Variants in USP25 observed in about 807,000 individuals in gnomAD.
USP25 encodes the protein ubiquitin carboxyl-terminal hydrolase 25.
In USP25, 85 loss-of-function variants were observed where a neutral mutation model predicts 158.5. The observed-to-expected ratio is 0.54, with a 90% confidence interval of 0.45 to 0.64. The LOEUF is 0.64. Among genes scored for constraint, USP25 ranks in the 30% least tolerant of loss-of-function variants. USP25 has a pLI of 0.00. For missense variants in USP25, 1,242 were observed against 1,327.3 expected (o/e 0.94, Z 1.00); for synonymous variants, 464 against 460.4 (o/e 1.01, Z -0.10).
rs746750455 is a variant in USP25, at chr21:15,826,929, A to C, written c.1467-48A>C. On this transcript the variant is annotated intron_variant, in intron 13 of 25. Coordinates refer to ENST00000400183, the MANE Select transcript of USP25 (RefSeq NM_001283041.3). The surrounding 1 kb of genome is among the most constrained non-coding windows in gnomAD (Gnocchi z 4.8). ...TGGGTTTGGCACGATCTTTGTCAAG[A>C]GTTTCAGCTTGAAAGGTTAATAAGA... 1 of 1,588,036 alleles carries C rather than the reference A, an allele frequency of 6.3e-7. No individual in the cohort carries two copies. The highest frequency in any genetic ancestry group is 2.2e-5 in the East Asian group (1 of 44,674).
intron 23 of USP25, among the ~76,000 whole-genome samples, chr21:15,873,459 A>G (rs902194846): frequency 1.4e-4 from 22 of 151,908 alleles, no homozygotes; most frequent in African/African-American, 5.3e-4. Flanking sequence ...TGAATTTCAT[A>G]ATATCTAGAC....
rs1404230754 is a variant in USP25 at position 15,833,461 on chromosome 21, T to A, written c.2107T>A (p.Trp703Arg). ...NQRFEKELEE[W>R]DAQLAQKALQ... The stretch of plus-strand genomic sequence containing the variant: ...ACGATTTGAAAAAGAACTAGAAGAA[T>A]GGGATGCACAACTTGCCCAGAAAGC... Residue 703 changes from tryptophan (W) to arginine (R), a missense_variant, in exon 17 of 26, where the codon TGG becomes AGG. Trp to Arg is a moderately radical substitution (Grantham distance 101). Transcript: ENST00000400183. 6.2e-7 allele frequency: 1 copy of A among 1,613,920 alleles called. No homozygotes were observed. Among genetic ancestry groups the A allele is most frequent in the Non-Finnish European group, 8.5e-7 (1 of 1,179,976 alleles).
In USP25 at chr21:15,783,499, A is replaced by G. The variant is rs539946969; in HGVS notation, c.392+5472A>G. ...CTGTAAGACAAAAACATTACGTCAC[A>G]TATATGGGAATTCCCATTAGACTGT... On this transcript the variant is annotated intron_variant, in intron 4 of 25. Coordinates refer to ENST00000400183, the MANE Select transcript of USP25 (RefSeq NM_001283041.3). Among the ~76,000 whole-genome samples, 7 of 152,358 alleles carry G rather than the reference A, an allele frequency of 4.6e-5. No individual in the cohort carries two copies. The East Asian group carries it at 1.3e-3, about 29-fold the overall frequency.
intron 1 of USP25, among the ~76,000 whole-genome samples, chr21:15,733,078 A>C (rs113881013): frequency 2.2e-5 from 3 of 136,434 alleles, no homozygotes; most frequent in Non-Finnish European, 4.6e-5. Flanking sequence ...GGAGCCTTAG[A>C]TCTCAGAAAT....
chr21:15,775,755 GC>G (rs2034617505), intron 3 of USP25, among the ~76,000 whole-genome samples: 1 of 20,072 alleles, frequency 5.0e-5, no homozygotes, highest in South Asian at 1.0e-3. Context: ...CCCCCCCCCC[GC>G]CCCCGCTGCA....
chr21:15,753,650 A>G (rs1222546349), intron 1 of USP25, among the ~76,000 whole-genome samples: 3 of 151,992 alleles, frequency 2.0e-5, no homozygotes, highest in Non-Finnish European at 4.4e-5. Context: ...GAATTAGAAA[A>G]TGTGCTTATT....
At position 15,827,191 on chromosome 21, in the gene USP25, A is replaced by G; in HGVS notation, c.1681A>G (p.Asn561Asp). Residue 561 changes from asparagine (N) to aspartate (D), a missense_variant, in exon 14 of 26, where the codon AAT becomes GAT. Coordinates refer to ENST00000400183, the MANE Select transcript of USP25 (RefSeq NM_001283041.3). ...ACATCGCTGGAGGACAGAAATAGAA[A>G]ATGACACCAGAGGTAAGAAGTGTCT... ...CLHRWRTEIE[N>D]DTRDLQESIS... 1.2e-6 allele frequency: 2 copies of G among 1,613,980 alleles called. No homozygotes were observed. Among genetic ancestry groups the G allele is most frequent in the Non-Finnish European group, 8.5e-7 (1 of 1,179,858 alleles).
intron 18 of USP25, among the ~76,000 whole-genome samples, chr21:15,846,000 A>T (rs1041327316): frequency 3.3e-5 from 5 of 151,226 alleles, no homozygotes; most frequent in Admixed American, 2.0e-4. Context: ...GTGTTGGCTT[A>T]GCTGCATATT....
intron 20 of USP25, among the ~76,000 whole-genome samples, chr21:15,862,867 A>G (rs960184007): frequency 2.0e-5 from 3 of 151,842 alleles, no homozygotes; most frequent in Non-Finnish European, 2.9e-5. Context: ...TTTAATGAGT[A>G]TGATATTACA....
At position 15,864,328 on chromosome 21, in the gene USP25, A is replaced by G; in HGVS notation, c.2608A>G (p.Thr870Ala). Reference sequence around the variant, plus strand: ...GGCCCAAGAAGACACCCCACCAGAAACCGATTATCGTTTACATCATGTAGT... The same window carrying G: ...GGCCCAAGAAGACACCCCACCAGAAGCCGATTATCGTTTACATCATGTAGT... ...KLAQEDTPPETDYRLHHVVVY... is the reference protein window; with the variant it reads ...KLAQEDTPPEADYRLHHVVVY... Residue 870 changes from threonine (T) to alanine (A), a missense_variant, in exon 21 of 26, where the codon ACC becomes GCC. Transcript: ENST00000400183. 1 of 1,612,974 alleles carries G rather than the reference A, an allele frequency of 6.2e-7. No individual in the cohort carries two copies. The highest frequency in any genetic ancestry group is 1.7e-5 in the Admixed American group (1 of 59,864).
intron 24 of USP25, 101 bp downstream of exon 24, chr21:15,874,627 A>G: frequency 8.2e-7 from 1 of 1,214,280 alleles, no homozygotes; most frequent in Non-Finnish European, 1.1e-6. Flanking sequence ...CTCTGAGGGG[A>G]TAAGAACATG....
chr21:15,754,557 T>C (rs1348987486), intron 1 of USP25, among the ~76,000 whole-genome samples: 4 of 152,284 alleles, frequency 2.6e-5, no homozygotes, highest in African/African-American at 9.6e-5. Context: ...TTGTGGTGAG[T>C]CTCACAGAAG....
At chr21:15,742,177 C>A (rs6517609) in intron 1 of USP25, among the ~76,000 whole-genome samples, 34,798 of 151,070 alleles carry the variant, frequency 0.23, 5,463 homozygotes, top group African/African-American at 0.45. Context: ...AATTGGAAAA[C>A]CCCCACTATA....
In USP25 at chr21:15,817,308, G is replaced by A. The variant is rs34432041; in HGVS notation, c.932-1390G>A. 4.2e-3 allele frequency among the ~76,000 whole-genome samples: 633 copies of A among 152,064 alleles called. 1 individual carries two copies. Among genetic ancestry groups the A allele is most frequent in the Non-Finnish European group, 6.7e-3 (456 of 67,988 alleles). ...TGTTGGTGCCCTTCCTTGCATATAT[G>A]TATAAATGTATATGTATGTAATTTT... On this transcript the variant is annotated intron_variant, in intron 9 of 25. Transcript: ENST00000400183.
At chr21:15,777,084 A>G (rs117406654) in intron 3 of USP25, among the ~76,000 whole-genome samples, 5,817 of 152,226 alleles carry the variant, frequency 0.038, 166 homozygotes, top group Middle Eastern at 0.14. Context: ...ACCAATATAT[A>G]TTGGGAAATT....
chr21:15,877,098 G>A (rs889117450), intron 24 of USP25: 1 of 151,980 alleles, frequency 6.6e-6, no homozygotes, highest in African/African-American at 2.4e-5. Context: ...TTTATATATT[G>A]GGTATTATTG....
intron 1 of USP25, among the ~76,000 whole-genome samples, chr21:15,735,077 A>G (rs2031354935): frequency 6.6e-6 from 1 of 152,244 alleles, no homozygotes; most frequent in East Asian, 1.9e-4. Context: ...AAGTCATGTG[A>G]TACACAAGCC....
Position 15,878,442 on chromosome 21 carries a change from G to A in USP25, c.3345G>A (p.Leu1115=), listed in dbSNP as rs1242967585. ...ELCERFARIM[L]SLSRTPADGR ...GTGAGCGATTTGCCCGAATCATGTT[G>A]TCCCTCAGTCGAACTCCTGCTGATG... Residue 1115 remains leucine, a synonymous_variant, in exon 26 of 26, where the codon TTG becomes TTA. Transcript: ENST00000400183. The A allele has an allele frequency of 2.5e-6, 4 of 1,613,980 alleles. No individual in the cohort carries two copies. The highest frequency in any genetic ancestry group is 3.4e-6 in the Non-Finnish European group (4 of 1,179,906).
In USP25 at chr21:15,808,895, C is replaced by T. The variant is rs374593203; in HGVS notation, c.857+10C>T. On this transcript the variant is annotated intron_variant, in intron 8 of 25. Transcript: ENST00000400183. The stretch of plus-strand genomic sequence containing the variant: ...AAGCTGAAGAGGAGACGTAAGTTAC[C>T]GTGAAGTTTAGCAATGGGGTTTTAG... The T allele has an allele frequency of 8.8e-6, 14 of 1,599,040 alleles. No individual in the cohort carries two copies. Among genetic ancestry groups the T allele is most frequent in the African/African-American group, 5.4e-5 (4 of 74,282 alleles).
Sources: gnomAD v4.1 joint callset for allele counts (sites outside exome capture counted in the v4.1 genomes callset) on GRCh38, gnomAD v4.1.1 for gene constraint, Gnocchi (gnomAD v3.1) non-coding constraint, MANE v1.5 for transcripts, NCBI Gene and HGNC (gene_info 2026-07-23, HGNC 2026-07-21) for gene names.